SH3GL3: variants seen among roughly 807,000 people sequenced by gnomAD.
SH3GL3 encodes the protein endophilin-A3.
A neutral mutation model predicts 47.7 loss-of-function variants in SH3GL3; 33 were observed. The observed-to-expected ratio is 0.69, with a 90% CI of 0.52 to 0.92. SH3GL3 has a LOEUF of 0.92. Among genes scored for constraint, SH3GL3 ranks in the 40% least tolerant of loss-of-function variants. The pLI, the probability that SH3GL3 is intolerant of heterozygous loss-of-function variation, is 0.00. For synonymous variants in SH3GL3, 155 were observed against 148.8 expected, an observed-to-expected ratio of 1.04 and a Z score of -0.30; for missense variants, 363 against 417.8, an observed-to-expected ratio of 0.87 and a Z score of 1.14.
intron 1 of SH3GL3, among the ~76,000 whole-genome samples, chr15:83,543,482 C>G (rs983591354): frequency 6.6e-6 from 1 of 151,790 alleles, no homozygotes; most frequent in African/African-American, 2.4e-5. Context: ...GTATCTTTGA[C>G]TGGTTTAGGT....
chr15:83,551,542 G>A (rs2044670337), intron 1 of SH3GL3, among the ~76,000 whole-genome samples: 3 of 152,130 alleles, frequency 2.0e-5, no homozygotes, highest in South Asian at 4.1e-4. Flanking sequence ...TCGCCTAACC[G>A]ATCTGCCTGT....
chr15:83,616,681 A>G (rs1305083296), intron 8 of SH3GL3, among the ~76,000 whole-genome samples: 1 of 152,202 alleles, frequency 6.6e-6, no homozygotes, highest in African/African-American at 2.4e-5. Flanking sequence ...GCACATTTGT[A>G]GATATTTATG....
intron 8 of SH3GL3, among the ~76,000 whole-genome samples, chr15:83,602,040 T>C (rs1567029081): frequency 6.6e-6 from 1 of 151,840 alleles, no homozygotes; most frequent in Non-Finnish European, 1.5e-5. Context: ...TCCAAGAAGA[T>C]AGGTGGTTCT....
intron 1 of SH3GL3, among the ~76,000 whole-genome samples, chr15:83,556,419 A>C (rs148588707): frequency 6.6e-6 from 1 of 152,252 alleles, no homozygotes; most frequent in Admixed American, 6.5e-5. Flanking sequence ...AAATGATCCC[A>C]TATGTTGTCT....
intron 8 of SH3GL3, among the ~76,000 whole-genome samples, chr15:83,595,971 A>G (rs1461069418): frequency 1.3e-5 from 2 of 152,022 alleles, no homozygotes; most frequent in Non-Finnish European, 2.9e-5. Context: ...CTCTGTTGTC[A>G]TTGAGTCCTT....
chr15:83,466,408 G>A (rs939888712), intron 1 of SH3GL3, among the ~76,000 whole-genome samples: 5 of 136,100 alleles, frequency 3.7e-5, no homozygotes, highest in African/African-American at 1.3e-4. Context: ...GAGTGCAATT[G>A]TTAGAATATA....
chr15:83,572,418 C>T, intron 4 of SH3GL3, 147 bp from the exon 5 acceptor site: 2 of 606,130 alleles, frequency 3.3e-6, no homozygotes, highest in African/African-American at 1.9e-5. Flanking sequence ...TTTTCTTTTT[C>T]ATTCTGATCC....
chr15:83,541,500 A>AT (rs1297077263), intron 1 of SH3GL3, among the ~76,000 whole-genome samples: 3 of 151,568 alleles, frequency 2.0e-5, no homozygotes, highest in Non-Finnish European at 4.4e-5. Context: ...CGCCCGGCTA[A>AT]TTTTTTGTAT....
At chr15:83,463,767 CTTTTT>C (rs910419812) in intron 1 of SH3GL3, among the ~76,000 whole-genome samples, 1 of 122,922 alleles carries the variant, frequency 8.1e-6, no homozygotes, top group African/African-American at 3.2e-5. Flanking sequence ...TTCTTTCTTT[CTTTTT>C]TTTTTTTTTT....
chr15:83,543,754 C>T (rs901803552), intron 1 of SH3GL3, among the ~76,000 whole-genome samples: 4 of 151,864 alleles, frequency 2.6e-5, no homozygotes, highest in Non-Finnish European at 2.9e-5. Flanking sequence ...GTAGGTTGTA[C>T]GTGTCTAGGA....
At chr15:83,593,851 C>T (rs2060169766) in intron 8 of SH3GL3, among the ~76,000 whole-genome samples, 1 of 151,724 alleles carries the variant, frequency 6.6e-6, no homozygotes, top group African/African-American at 2.4e-5. Context: ...CAGGGTCTTG[C>T]CCTGTTGCCC....
At chr15:83,631,853 C>T in the SH3GL3 span, among the ~76,000 whole-genome samples, 1 of 152,316 alleles carries the variant, frequency 6.6e-6, no homozygotes, top group South Asian at 2.1e-4. Context: ...ACATTCGGCT[C>T]CTTATTGCTT....
chr15:83,486,954 A>G (rs1408749445), intron 1 of SH3GL3, among the ~76,000 whole-genome samples: 2 of 152,090 alleles, frequency 1.3e-5, no homozygotes, highest in Non-Finnish European at 2.9e-5. Context: ...CGGCCCCATC[A>G]TGGGGTCCCT....
intron 1 of SH3GL3, among the ~76,000 whole-genome samples, chr15:83,470,542 A>G (rs946511276): frequency 7.9e-5 from 12 of 152,118 alleles, no homozygotes; most frequent in African/African-American, 2.4e-4. Context: ...TTTGTTTTTT[A>G]TAGACAGCAT....
chr15:83,625,116 G>A, the SH3GL3 span, among the ~76,000 whole-genome samples: 1 of 151,952 alleles, frequency 6.6e-6, no homozygotes, highest in Admixed American at 6.5e-5. Context: ...AAAATTAGCC[G>A]GGCATGGTGG....
downstream of SH3GL3, among the ~76,000 whole-genome samples, chr15:83,623,150 A>G (rs1406697691): frequency 1.3e-5 from 2 of 152,200 alleles, no homozygotes; most frequent in Admixed American, 6.5e-5. Flanking sequence ...TAGACCAGAA[A>G]ATGAATATGG....
chr15:83,587,189 C>T, intron 7 of SH3GL3, 103 bp downstream of exon 7: 1 of 619,754 alleles, frequency 1.6e-6, no homozygotes, highest in Middle Eastern at 4.2e-4. Flanking sequence ...CTTCCCCTGC[C>T]TCATTCTGTT....
chr15:83,576,581 A>G lies in SH3GL3; in HGVS notation c.466-2A>G. On this transcript the variant is annotated splice_acceptor_variant, in intron 5 of 8. Transcript: ENST00000427482. LOFTEE classifies it high-confidence loss of function. ...CTGAGGGACTCCATTCTCTTTTTTT[A>G]GCATCACCTGAAAAAGCTGGAAGGC... 1 of 1,596,940 alleles carries G rather than the reference A, an allele frequency of 6.3e-7. No individual in the cohort carries two copies. Among genetic ancestry groups the G allele is most frequent in the Non-Finnish European group, 8.5e-7 (1 of 1,174,974 alleles).
At chr15:83,592,996 T>A (rs1184085925) in intron 8 of SH3GL3, among the ~76,000 whole-genome samples, 2 of 152,214 alleles carry the variant, frequency 1.3e-5, no homozygotes, top group Non-Finnish European at 2.9e-5. Context: ...CGCCTAACAC[T>A]TATTTACAAT....
Sources: allele counts gnomAD v4.1 joint callset (sites outside exome capture counted in the v4.1 genomes callset), GRCh38; gene constraint gnomAD v4.1.1; transcripts MANE v1.5; gene names NCBI Gene and HGNC (gene_info 2026-07-23, HGNC 2026-07-21).